Variants in NEURL4 observed in about 807,000 individuals in gnomAD.
The protein encoded by NEURL4 is neuralized E3 ubiquitin protein ligase 4, also known as neuralized-like protein 4.
NEURL4 carries 45 observed loss-of-function variants against 148.0 expected under a neutral mutation model. The observed-to-expected ratio is 0.30, with a 90% confidence interval of 0.24 to 0.39. NEURL4 has a LOEUF of 0.39. Among genes scored for constraint, NEURL4 ranks in the 10% least tolerant of loss-of-function variants. NEURL4 has a pLI of 1.00. For synonymous variants in NEURL4, 854 were observed against 869.0 expected (o/e 0.98, Z 0.30); for missense variants, 1,776 against 2,144.0 (o/e 0.83, Z 3.39).
At position 7,316,323 on chromosome 17, in the gene NEURL4, G is replaced by A. The variant is rs1451551637; in HGVS notation, c.4489C>T (p.Arg1497Trp). Reference protein sequence around the residue: ...AETLASKVQFRDPKSQRTHQA... With the variant: ...AETLASKVQFWDPKSQRTHQA... ...TGCGTCCGCTGGGATTTGGGGTCCC[G>A]GAATCTGTCAGACAAGAAAAAATAA... is the stretch of plus-strand genomic sequence containing the variant. Residue 1497 changes from arginine to tryptophan, a missense_variant, in exon 29 of 29, where the codon CGG (arginine) becomes TGG (tryptophan). Transcript: ENST00000399464. 6.2e-6 allele frequency: 10 copies of A among 1,611,520 alleles called. No homozygotes were observed. The Admixed American group carries it at 6.7e-5, about 11-fold the overall frequency.
chr17:7,324,691 G>T lies in NEURL4; in HGVS notation c.1813+108C>A. 7.8e-7 allele frequency: 1 copy of T among 1,273,952 alleles called. No individual in the cohort carries two copies. Among genetic ancestry groups the T allele is most frequent in the Non-Finnish European group, 1.1e-6 (1 of 891,642 alleles). The allele number at this position is 1,273,952 out of a possible 1,614,324, so 78.9% of individuals were successfully genotyped here. A position where few individuals can be genotyped will look rare whatever the true frequency, so the allele number is the denominator to read the frequency against. Reference sequence around the variant, plus strand: ...GACACTCTCTAGCCACTGAATGAGTGGTCACAAGAGTGACAAGTGAAAAAG... The same window carrying T: ...GACACTCTCTAGCCACTGAATGAGTTGTCACAAGAGTGACAAGTGAAAAAG... On this transcript the variant is annotated intron_variant, in intron 9 of 28. Coordinates refer to ENST00000399464, the MANE Select transcript of NEURL4 (RefSeq NM_032442.3). This position sits in a 1 kb window ranked among gnomAD's most constrained non-coding sequence, Gnocchi z 5.9.
chr17:7,318,626 T>C lies in NEURL4; in HGVS notation c.3733A>G (p.Ile1245Val). The C allele has an allele frequency of 6.2e-7, 1 of 1,613,940 alleles. No homozygotes were observed. Among genetic ancestry groups the C allele is most frequent in the Non-Finnish European group, 8.5e-7 (1 of 1,179,902 alleles). Residue 1245 changes from isoleucine to valine, a missense_variant, in exon 23 of 29, where the codon ATC (isoleucine) becomes GTC (valine). Transcript: ENST00000399464. The surrounding 1 kb of genome is among the most constrained non-coding windows in gnomAD (Gnocchi z 4.3). ...PNLDTCPEGT[I>V]LGLRLDSSGG... Reference sequence around the variant, plus strand: ...GAGCTGTCCAGCCGCAGTCCCAGGATGGTGCCTTCAGGGCACGTGTCCAGA... The same window carrying C: ...GAGCTGTCCAGCCGCAGTCCCAGGACGGTGCCTTCAGGGCACGTGTCCAGA...
In NEURL4 at chr17:7,324,842, A is replaced by T; in HGVS notation, c.1770T>A (p.Pro590=). The change falls in exon 9 of 29, where the codon CCT becomes CCA. Residue 590 remains proline (P), a synonymous_variant. Transcript: ENST00000399464. The surrounding 1 kb of genome is among the most constrained non-coding windows in gnomAD (Gnocchi z 5.9). ...SIEIGVTTHN[P]AYLQLPSTMT... is the part of the protein sequence containing the mutation. ...TGGTGGAGGGCAACTGGAGGTAGGC[A>T]GGGTTGTGGGTGGTGACACCAATTT... 2 of 1,614,208 alleles carry T rather than the reference A, an allele frequency of 1.2e-6. No homozygotes were observed. Among genetic ancestry groups the T allele is most frequent in the Non-Finnish European group, 8.5e-7 (1 of 1,180,034 alleles).
rs779516179 is a variant in NEURL4 at position 7,325,663 on chromosome 17, G to A, written c.1344C>T (p.Phe448=). The change falls in exon 7 of 29, where the codon TTC becomes TTT. Residue 448 remains phenylalanine, a synonymous_variant. Coordinates refer to ENST00000399464, the MANE Select transcript of NEURL4 (RefSeq NM_032442.3). ...TACCCTGATCGATACCATTAATGAAGAAGTGTAGGGCAGAGTTGGACTTCC... is the reference window on the plus strand; with the variant it reads ...TACCCTGATCGATACCATTAATGAAAAAGTGTAGGGCAGAGTTGGACTTCC... ...LTRKSNSALH[F]FINGIDQGVA... 2.5e-6 allele frequency: 4 copies of A among 1,613,822 alleles called. No homozygotes were observed. Among genetic ancestry groups the A allele is most frequent in the Non-Finnish European group, 3.4e-6 (4 of 1,179,948 alleles).
rs1043792 is a variant in NEURL4 at position 7,315,660 on chromosome 17, G to C, written c.*463C>G. The C allele has an allele frequency of 7.4e-6, 3 of 403,064 alleles. No individual in the cohort carries two copies. The highest frequency in any genetic ancestry group is 2.1e-5 in the African/African-American group (1 of 48,642). 25.0% of individuals were successfully genotyped at this position (403,064 alleles called of 1,614,324 possible). ...TGAGACGGTGTTTATTGGCTCCTTA[G>C]AAATCAGAGTCAGTAACAACTGTAC... On this transcript the variant is annotated 3_prime_UTR_variant, in exon 29 of 29. Coordinates refer to ENST00000399464, the MANE Select transcript of NEURL4 (RefSeq NM_032442.3).
Position 7,316,087 on chromosome 17 carries a change from G to T in NEURL4, c.*36C>A, listed in dbSNP as rs995998133. ...CGCCACTCAGAGTCCATGGGCCCGC[G>T]GCCCGACTGTGCTTGTAGTAGTGGT... is the stretch of plus-strand genomic sequence containing the variant. On this transcript the variant is annotated 3_prime_UTR_variant, in exon 29 of 29. Transcript: ENST00000399464. 2 of 1,089,642 alleles carry T rather than the reference G, an allele frequency of 1.8e-6. No homozygotes were observed. The highest frequency in any genetic ancestry group is 4.7e-5 in the East Asian group (2 of 42,544). The allele number at this position is 1,089,642 out of a possible 1,614,324, so 67.5% of individuals were successfully genotyped here.
chr17:7,319,262 C>T (rs2072993976), intron 21 of NEURL4, 54 bp from the exon 22 acceptor site: 1 of 1,512,370 alleles, frequency 6.6e-7, no homozygotes, highest in Non-Finnish European at 9.0e-7. Context: ...GAACCAGGCT[C>T]CGCACCCCAG....
chr17:7,328,901 G>C, intron 1 of NEURL4, 130 bp downstream of exon 1: 1 of 822,832 alleles, frequency 1.2e-6, no homozygotes, highest in Non-Finnish European at 1.8e-6. Context: ...ACCGCCCCCT[G>C]GTGCTCTATG....
chr17:7,318,939 C>T lies in NEURL4; in HGVS notation c.3684+111G>A. 1 of 1,285,314 alleles carries T rather than the reference C, an allele frequency of 7.8e-7. No homozygotes were observed. Among genetic ancestry groups the T allele is most frequent in the Non-Finnish European group, 1.1e-6 (1 of 933,060 alleles). 79.6% of individuals were successfully genotyped at this position (1,285,314 alleles called of 1,614,324 possible). On this transcript the variant is annotated intron_variant, in intron 22 of 28. Transcript: ENST00000399464. The surrounding 1 kb of genome is among the most constrained non-coding windows in gnomAD (Gnocchi z 4.3). ...CCCTTGCCTGCCCATTACTGTTCCC[C>T]TTTTACACCTGTGGTCCTACCTCCA...
At chr17:7,325,765 C>T (rs1167849971) in intron 6 of NEURL4, 52 bp from the exon 7 acceptor site, 3 of 1,427,064 alleles carry the variant, frequency 2.1e-6, no homozygotes, top group South Asian at 1.1e-5. Flanking sequence ...TGCTCAGCAC[C>T]CCACTCCACA....
At position 7,321,889 on chromosome 17, in the gene NEURL4, C is replaced by T. The variant is rs1402693202; in HGVS notation, c.2847G>A (p.Glu949=). ...YAHGLVFSTK[E]LRAEEVFEVK... ...CCTCAAAGACTTCCTCAGCCCTCAG[C>T]TCCTTGGTACTGAAGACAAGGCCAT... is the stretch of plus-strand genomic sequence containing the variant. Residue 949 remains glutamate (E), a synonymous_variant, in exon 17 of 29, where the codon GAG becomes GAA. Transcript: ENST00000399464. The surrounding 1 kb of genome is among the most constrained non-coding windows in gnomAD (Gnocchi z 6.3). 2.5e-6 allele frequency: 4 copies of T among 1,613,808 alleles called. No individual in the cohort carries two copies. In the African/African-American group the frequency reaches 4.0e-5, roughly 16 times the overall value.
In NEURL4 at chr17:7,323,220, G is replaced by A. The variant is rs1405561853; in HGVS notation, c.2418-97C>T. On this transcript the variant is annotated intron_variant, in intron 14 of 28. Transcript: ENST00000399464. ...TCTGTCAGAACCCTCCAATGTCTTG[G>A]GCTGGTGTCTTGATCTGGGTGTAAG... is the stretch of plus-strand genomic sequence containing the variant. 5 of 1,353,422 alleles carry A rather than the reference G, an allele frequency of 3.7e-6. No individual in the cohort carries two copies. The East Asian group carries it at 1.2e-4, about 32-fold the overall frequency. 83.8% of individuals were successfully genotyped at this position (1,353,422 alleles called of 1,614,324 possible). A position where few individuals can be genotyped will look rare whatever the true frequency, so the allele number is the denominator to read the frequency against.
Position 7,323,143 on chromosome 17 carries a change from G to A in NEURL4, c.2418-20C>T, listed in dbSNP as rs1428801886. The A allele has an allele frequency of 6.2e-7, 1 of 1,602,982 alleles. No individual in the cohort carries two copies. Among genetic ancestry groups the A allele is most frequent in the Admixed American group, 1.7e-5 (1 of 59,758 alleles). On this transcript the variant is annotated intron_variant, in intron 14 of 28. Transcript: ENST00000399464. The stretch of plus-strand genomic sequence containing the variant: ...GTACCACTGGGGGGATGGCAGAAGG[G>A]GTGAGTCAGCCTGCCAACTTCAACT...
Position 7,318,982 on chromosome 17 carries a change from C to T in NEURL4, c.3684+68G>A, listed in dbSNP as rs2072989574. On this transcript the variant is annotated intron_variant, in intron 22 of 28. Transcript: ENST00000399464. The surrounding 1 kb of genome is among the most constrained non-coding windows in gnomAD (Gnocchi z 4.3). ...TACCTCCAAGGCTAGGGGCCCACTT[C>T]TCCCTTCTGGCCAGCCCTTCTCTAC... is the stretch of plus-strand genomic sequence containing the variant. 13 of 1,510,114 alleles carry T rather than the reference C, an allele frequency of 8.6e-6. No homozygotes were observed. The South Asian group carries it at 1.7e-4, about 19-fold the overall frequency. The allele number at this position is 1,510,114 out of a possible 1,614,324, so 93.5% of individuals were successfully genotyped here. A position where few individuals can be genotyped will look rare whatever the true frequency, so the allele number is the denominator to read the frequency against.
Position 7,326,636 on chromosome 17 carries a change from C to T in NEURL4, c.1092+75G>A, listed in dbSNP as rs2073106233. 5 of 1,605,310 alleles carry T rather than the reference C, an allele frequency of 3.1e-6. No individual in the cohort carries two copies. Among genetic ancestry groups the T allele is most frequent in the Non-Finnish European group, 4.3e-6 (5 of 1,173,576 alleles). The stretch of plus-strand genomic sequence containing the variant: ...TTGGTTCTTCCCCAGGGCCCACCCT[C>T]CTAGCACCAAGGGTCAATCCCCATC... On this transcript the variant is annotated intron_variant, in intron 4 of 28. Transcript: ENST00000399464. This position sits in a 1 kb window ranked among gnomAD's most constrained non-coding sequence, Gnocchi z 6.0.
At position 7,324,658 on chromosome 17, in the gene NEURL4, G is replaced by T. The variant is rs1281366627; in HGVS notation, c.1813+141C>A. 4 of 1,081,852 alleles carry T rather than the reference G, an allele frequency of 3.7e-6. No homozygotes were observed. Among genetic ancestry groups the T allele is most frequent in the Non-Finnish European group, 5.4e-6 (4 of 735,074 alleles). The allele number at this position is 1,081,852 out of a possible 1,614,324, so 67.0% of individuals were successfully genotyped here. On this transcript the variant is annotated intron_variant, in intron 9 of 28. Transcript: ENST00000399464. The surrounding 1 kb of genome is among the most constrained non-coding windows in gnomAD (Gnocchi z 5.9). ...CAGCTTCCAAGACAGCCACAGCCCT[G>T]CCCACGGGACACTCTCTAGCCACTG...
At position 7,318,601 on chromosome 17, in the gene NEURL4, G is replaced by A. The variant is rs1322379036; in HGVS notation, c.3758C>T (p.Ser1253Phe). 2.5e-6 allele frequency: 4 copies of A among 1,614,096 alleles called. No homozygotes were observed. In the African/African-American group the frequency reaches 4.0e-5, roughly 16 times the overall value. Residue 1253 changes from serine to phenylalanine, a missense_variant, in exon 23 of 29, where the codon TCT becomes TTT. By Grantham distance (155) the Ser-to-Phe change is radical. Coordinates refer to ENST00000399464, the MANE Select transcript of NEURL4 (RefSeq NM_032442.3). This position sits in a 1 kb window ranked among gnomAD's most constrained non-coding sequence, Gnocchi z 4.3. Reference protein sequence around the residue: ...GTILGLRLDSSGGLHLHVNGV... With the variant: ...GTILGLRLDSFGGLHLHVNGV... The stretch of plus-strand genomic sequence containing the variant: ...ATTAACATGAAGATGCAGCCCCCCA[G>A]AGCTGTCCAGCCGCAGTCCCAGGAT...
rs1444281598 is a variant in NEURL4, at chr17:7,327,747, G to A, written c.420C>T (p.Arg140=). The A allele has an allele frequency of 6.2e-7, 1 of 1,614,086 alleles. No homozygotes were observed. Among genetic ancestry groups the A allele is most frequent in the Non-Finnish European group, 8.5e-7 (1 of 1,180,036 alleles). The change falls in exon 2 of 29, where the codon CGC becomes CGT. Residue 140 remains arginine, a synonymous_variant. Transcript: ENST00000399464. This position sits in a 1 kb window ranked among gnomAD's most constrained non-coding sequence, Gnocchi z 6.6. The part of the protein sequence containing the change: ...VSGCSVLRDG[R]SVLEEYGQDL... ...CCTGACCATACTCCTCCAACACAGAGCGTCCATCTCTCAGCACAGAGCAGC... is the reference window on the plus strand; with the variant it reads ...CCTGACCATACTCCTCCAACACAGAACGTCCATCTCTCAGCACAGAGCAGC...
At position 7,326,365 on chromosome 17, in the gene NEURL4, G is replaced by C. The variant is rs1052888554; in HGVS notation, c.1205-22C>G. The C allele has an allele frequency of 1.9e-6, 3 of 1,613,946 alleles. No homozygotes were observed. In the African/African-American group the frequency reaches 4.0e-5, roughly 22 times the overall value. ...GTGCCTGGGTGATAGTGGACACTTG[G>C]GTTCGGGTACGGGGCTTCCTTCCCC... On this transcript the variant is annotated intron_variant, in intron 5 of 28. Coordinates refer to ENST00000399464, the MANE Select transcript of NEURL4 (RefSeq NM_032442.3). The surrounding 1 kb of genome is among the most constrained non-coding windows in gnomAD (Gnocchi z 6.0).
Sources: allele counts gnomAD v4.1 joint callset, GRCh38; gene constraint gnomAD v4.1.1; non-coding constraint Gnocchi (gnomAD v3.1); transcripts MANE v1.5; gene names NCBI Gene and HGNC (gene_info 2026-07-23, HGNC 2026-07-21).